The following CLSTN2 variants were observed in gnomAD, a reference collection of about 807,000 sequenced individuals.
CLSTN2 encodes the protein calsyntenin-2.
Under a neutral mutation model 101.2 loss-of-function variants are expected in CLSTN2, and 48 were observed. The observed-to-expected ratio is 0.47, with a 90% CI of 0.38 to 0.60. CLSTN2 has a LOEUF of 0.60. CLSTN2 is among the 20% of genes least tolerant of loss of function. The pLI, the probability that CLSTN2 is intolerant of heterozygous loss-of-function variation, is 0.00. For missense variants in CLSTN2, 1,160 were observed against 1,238.2 expected (o/e 0.94, Z 0.95); for synonymous variants, 481 against 463.6 (o/e 1.04, Z -0.48).
At chr3:140,465,069 G>C (rs1933657122) in intron 7 of CLSTN2, among the ~76,000 whole-genome samples, 1 of 152,140 alleles carries the variant, frequency 6.6e-6, no homozygotes, top group Non-Finnish European at 1.5e-5. Flanking sequence ...TCAATTAAGA[G>C]GCTTTCAGCT....
At chr3:140,395,633 T>C (rs545930427) in intron 2 of CLSTN2, among the ~76,000 whole-genome samples, 18 of 152,318 alleles carry the variant, frequency 1.2e-4, no homozygotes, top group Non-Finnish European at 2.4e-4. Flanking sequence ...TCATCTGAAG[T>C]GGGAGGGTTT....
intron 8 of CLSTN2, among the ~76,000 whole-genome samples, chr3:140,494,770 A>G (rs1310708492): frequency 2.0e-5 from 3 of 152,178 alleles, no homozygotes; most frequent in Non-Finnish European, 1.5e-5. Flanking sequence ...AGCTCCATTC[A>G]TATCCCTGCA....
intron 1 of CLSTN2, among the ~76,000 whole-genome samples, chr3:140,173,540 G>A (rs1412743353): frequency 1.3e-5 from 2 of 152,238 alleles, no homozygotes; most frequent in African/African-American, 4.8e-5. Context: ...TAGGGACTCT[G>A]TGTGGGGGCT....
At chr3:140,470,823 C>A (rs1268266797) in intron 8 of CLSTN2, among the ~76,000 whole-genome samples, 1 of 152,064 alleles carries the variant, frequency 6.6e-6, no homozygotes, top group Non-Finnish European at 1.5e-5. Context: ...TGTTAGAAGC[C>A]CCCCAGGAAC....
chr3:140,494,398 T>G (rs866679693), intron 8 of CLSTN2, among the ~76,000 whole-genome samples: 37 of 152,232 alleles, frequency 2.4e-4, no homozygotes, highest in African/African-American at 8.7e-4. Flanking sequence ...CGGATACCTC[T>G]TCTGATCAAG....
chr3:140,279,253 G>T (rs571260644), intron 2 of CLSTN2, among the ~76,000 whole-genome samples: 1 of 152,190 alleles, frequency 6.6e-6, no homozygotes, highest in Admixed American at 6.5e-5. Flanking sequence ...GCCCAGGGCT[G>T]CAGGCAGAGC....
chr3:140,480,418 G>A (rs1196010618), intron 8 of CLSTN2, among the ~76,000 whole-genome samples: 1 of 152,176 alleles, frequency 6.6e-6, no homozygotes, highest in African/African-American at 2.4e-5. Flanking sequence ...ATGTGCATGT[G>A]TCTTTATAGC....
chr3:140,041,420 G>A (rs535175401), intron 1 of CLSTN2, among the ~76,000 whole-genome samples: 1 of 152,294 alleles, frequency 6.6e-6, no homozygotes, highest in African/African-American at 2.4e-5. Context: ...GGGAGTAAGA[G>A]AACTCAGGTT....
intron 2 of CLSTN2, among the ~76,000 whole-genome samples, chr3:140,189,447 T>C (rs767814441): frequency 1.2e-4 from 18 of 152,148 alleles, no homozygotes; most frequent in African/African-American, 2.7e-4. Flanking sequence ...GTCATTTAGG[T>C]GTGTATGTAT....
intron 1 of CLSTN2, among the ~76,000 whole-genome samples, chr3:140,162,989 C>T (rs1280416024): frequency 6.6e-6 from 1 of 152,122 alleles, no homozygotes; most frequent in Non-Finnish European, 1.5e-5. Context: ...TCTTTCTAAG[C>T]TTTAGAGAAA....
Position 140,404,665 on chromosome 3 carries a change from T to A in CLSTN2, c.536T>A (p.Leu179Gln). ...GAGGGCAAGATCTATGACAGCATTC[T>A]GCAGGTGGAGGCCATTGACGAGGAC... Reference protein sequence around the residue: ...VTEGKIYDSILQVEAIDEDCS... With the variant: ...VTEGKIYDSIQQVEAIDEDCS... The change falls in exon 4 of 17, where the codon CTG (leucine) becomes CAG (glutamine). Residue 179 changes from leucine (L) to glutamine (Q), a missense_variant. Leu to Gln is a moderately radical substitution (Grantham distance 113). Transcript: ENST00000458420. 6.2e-7 allele frequency: 1 copy of A among 1,614,228 alleles called. No homozygotes were observed. Among genetic ancestry groups the A allele is most frequent in the Non-Finnish European group, 8.5e-7 (1 of 1,180,038 alleles).
intron 2 of CLSTN2, among the ~76,000 whole-genome samples, chr3:140,245,400 A>G (rs768224228): frequency 2.0e-5 from 3 of 152,200 alleles, no homozygotes; most frequent in Non-Finnish European, 2.9e-5. Flanking sequence ...ACCATCCCCA[A>G]GAAATACAAG....
chr3:139,987,314 T>C (rs957910353), intron 1 of CLSTN2, among the ~76,000 whole-genome samples: 2 of 152,180 alleles, frequency 1.3e-5, no homozygotes, highest in South Asian at 2.1e-4. Flanking sequence ...ATTAAAGTCA[T>C]AGAAATTTCC....
intron 1 of CLSTN2, among the ~76,000 whole-genome samples, chr3:140,077,814 G>A (rs753112593): frequency 6.6e-6 from 1 of 152,110 alleles, no homozygotes; most frequent in Non-Finnish European, 1.5e-5. Flanking sequence ...TCACTTTGCC[G>A]TAGCTGCTTA....
chr3:140,404,598 G>A lies in CLSTN2; in HGVS notation c.469G>A (p.Ala157Thr), dbSNP rs528619654. The A allele has an allele frequency of 4.3e-6, 7 of 1,614,216 alleles. No individual in the cohort carries two copies. The highest frequency in any genetic ancestry group is 1.1e-5 in the South Asian group (1 of 91,086). The stretch of plus-strand genomic sequence containing the variant: ...ACAGGTGAAGGATGTCAACGAGTTT[G>A]CTCCCACCTTCAAAGAGCCAGCCTA... ...HIQVKDVNEF[A>T]PTFKEPAYKA... The change falls in exon 4 of 17, where the codon GCT becomes ACT. Residue 157 changes from alanine (A) to threonine (T), a missense_variant. Physicochemically the swap from Ala to Thr is moderately conservative, Grantham distance 58 (BLOSUM62 0). Transcript: ENST00000458420.
chr3:140,374,885 G>A (rs2087899108), intron 2 of CLSTN2, among the ~76,000 whole-genome samples: 1 of 152,218 alleles, frequency 6.6e-6, no homozygotes, highest in Non-Finnish European at 1.5e-5. Flanking sequence ...AGAGAAGGAA[G>A]TTGGTCACAG....
At chr3:140,068,084 T>C (rs1415176716) in intron 1 of CLSTN2, among the ~76,000 whole-genome samples, 1 of 152,086 alleles carries the variant, frequency 6.6e-6, no homozygotes, top group African/African-American at 2.4e-5. Flanking sequence ...CCTTGGAAGA[T>C]GGTTTAAAAG....
chr3:140,448,403 C>G, intron 5 of CLSTN2, 116 bp from the exon 6 acceptor site: 1 of 822,282 alleles, frequency 1.2e-6, no homozygotes, highest in African/African-American at 1.7e-5. Flanking sequence ...TCCCTAATAT[C>G]TAATATATGT....
At chr3:140,093,029 G>T (rs1467144862) in intron 1 of CLSTN2, among the ~76,000 whole-genome samples, 1 of 152,166 alleles carries the variant, frequency 6.6e-6, no homozygotes, top group African/African-American at 2.4e-5. Flanking sequence ...CTGGGCCCCT[G>T]TGAGGATGTA....
Sources: allele counts gnomAD v4.1 joint callset (sites outside exome capture counted in the v4.1 genomes callset), GRCh38; gene constraint gnomAD v4.1.1; transcripts MANE v1.5; gene names NCBI Gene and HGNC (gene_info 2026-07-23, HGNC 2026-07-21).